Variants in NXPE4 observed in about 807,000 individuals in gnomAD.
NXPE4 encodes the protein NXPE family member 4.
NXPE4 carries 42 observed loss-of-function variants against 33.3 expected under a neutral mutation model. The observed-to-expected ratio is 1.26, with a 90% CI of 0.98 to 1.63. The LOEUF (loss-of-function observed/expected upper bound fraction) is 1.63, where lower values mean the gene tolerates loss of function less well. Among genes scored for constraint, NXPE4 ranks in the 40% most tolerant of loss-of-function variants. The pLI is 0.00. For synonymous variants in NXPE4, 253 were observed against 234.9 expected, an observed-to-expected ratio of 1.08 and a Z score of -0.71; for missense variants, 709 against 647.6, an observed-to-expected ratio of 1.09 and a Z score of -1.03.
At position 114,582,991 on chromosome 11, in the gene NXPE4, G is replaced by A. The variant is rs1296285238; in HGVS notation, c.127C>T (p.Leu43Phe). ...TTTGTGGAGTTGTTCCAGTAATGGA[G>A]GGAGATGGATAAGTTTAGAGCAGAC... ...VWSALNLSIS[L>F]HYWNNSTKSL... The change falls in exon 3 of 6, where the codon CTC (leucine) becomes TTC (phenylalanine). Residue 43 changes from leucine to phenylalanine, a missense_variant. Coordinates refer to ENST00000375478, the MANE Select transcript of NXPE4 (RefSeq NM_001077639.2). The A allele has an allele frequency of 6.2e-7, 1 of 1,613,472 alleles. No individual in the cohort carries two copies. The highest frequency in any genetic ancestry group is 2.2e-5 in the East Asian group (1 of 44,874).
At chr11:114,615,851 C>T in the NXPE4 span, among the ~76,000 whole-genome samples, 4 of 151,624 alleles carry the variant, frequency 2.6e-5, no homozygotes, top group East Asian at 1.9e-4. Flanking sequence ...ATAAGAGATG[C>T]CTCGTGTGTA....
At chr11:114,597,115 GA>G (rs34711682), upstream of NXPE4, among the ~76,000 whole-genome samples, 101,669 of 151,890 alleles carry the variant, frequency 0.67, 34,296 homozygotes, top group African/African-American at 0.75. Flanking sequence ...TTACTTGAAG[GA>G]TAGACTCTGA....
chr11:114,584,415 G>A (rs1258104926), intron 2 of NXPE4: 4 of 265,374 alleles, frequency 1.5e-5, no homozygotes, highest in Non-Finnish European at 3.1e-5. Context: ...TTCTGAGGAT[G>A]CTGTCCCTCA....
chr11:114,601,300 G>A, the NXPE4 span, among the ~76,000 whole-genome samples: 1,242 of 149,366 alleles, frequency 8.3e-3, 17 homozygotes, highest in African/African-American at 0.028. Context: ...ATGATTTTGG[G>A]TACTCATAGC....
At chr11:114,616,134 A>G in the NXPE4 span, among the ~76,000 whole-genome samples, 3 of 151,790 alleles carry the variant, frequency 2.0e-5, no homozygotes, top group Admixed American at 2.0e-4. Flanking sequence ...TCCGGTGGAT[A>G]ATAAGTATTG....
the NXPE4 span, among the ~76,000 whole-genome samples, chr11:114,666,240 CT>C: frequency 6.6e-6 from 1 of 152,088 alleles, no homozygotes; most frequent in Non-Finnish European, 1.5e-5. Flanking sequence ...ATTCATTCCT[CT>C]TTAAACCATT....
At chr11:114,573,137 GT>G (rs895944501) in intron 5 of NXPE4, among the ~76,000 whole-genome samples, 4 of 151,982 alleles carry the variant, frequency 2.6e-5, no homozygotes, top group Non-Finnish European at 5.9e-5. Flanking sequence ...AGAAAAGATA[GT>G]CTTTTCGAGA....
chr11:114,656,610 A>G, the NXPE4 span, among the ~76,000 whole-genome samples: 4 of 152,038 alleles, frequency 2.6e-5, no homozygotes, highest in African/African-American at 9.7e-5. Context: ...TACTTAATAC[A>G]GTACTGATAA....
At chr11:114,632,163 T>G in the NXPE4 span, among the ~76,000 whole-genome samples, 1 of 142,074 alleles carries the variant, frequency 7.0e-6, no homozygotes. Flanking sequence ...TAAATAAAAT[T>G]TATCATATAA....
chr11:114,585,691 A>C (rs1285224181), intron 2 of NXPE4, among the ~76,000 whole-genome samples: 1 of 152,142 alleles, frequency 6.6e-6, no homozygotes, highest in East Asian at 1.9e-4. Flanking sequence ...GAAATTATTT[A>C]GGTAGACAGT....
At chr11:114,657,132 G>T in the NXPE4 span, among the ~76,000 whole-genome samples, 1 of 151,996 alleles carries the variant, frequency 6.6e-6, no homozygotes, top group African/African-American at 2.4e-5. Flanking sequence ...TTTTAGTTCC[G>T]GATTGTACTA....
At chr11:114,571,613 TG>T in intron 5 of NXPE4, 140 bp from the exon 6 acceptor site, 1 of 818,944 alleles carries the variant, frequency 1.2e-6, no homozygotes, top group Non-Finnish European at 1.9e-6. Context: ...GATGAGGGGA[TG>T]TTTTTGAAAA....
At chr11:114,594,530 ATGTTGTTTGG>A (rs1949534815) in intron 2 of NXPE4, 124 bp downstream of exon 2, 1 of 650,182 alleles carries the variant, frequency 1.5e-6, no homozygotes, top group African/African-American at 1.8e-5. Context: ...ATTATCAGGT[ATGTTGTTTGG>A]TATCTAGCTA....
chr11:114,583,505 T>C (rs1392893635), intron 2 of NXPE4: 1 of 621,682 alleles, frequency 1.6e-6, no homozygotes, highest in Non-Finnish European at 3.1e-6. Context: ...AGATTACGTG[T>C]CTGAGCACAG....
intron 2 of NXPE4, among the ~76,000 whole-genome samples, chr11:114,588,686 T>TG (rs1028593540): frequency 6.6e-6 from 1 of 152,148 alleles, no homozygotes; most frequent in Non-Finnish European, 1.5e-5. Context: ...ATGTGCATAT[T>TG]GGGGGGCCTA....
chr11:114,594,312 C>T (rs1296381805), intron 2 of NXPE4, among the ~76,000 whole-genome samples: 1 of 152,110 alleles, frequency 6.6e-6, no homozygotes, highest in Admixed American at 6.6e-5. Context: ...CATACACCTA[C>T]TTTGTACCCA....
chr11:114,657,751 T>A, the NXPE4 span, among the ~76,000 whole-genome samples: 3 of 152,182 alleles, frequency 2.0e-5, no homozygotes, highest in African/African-American at 7.2e-5. Context: ...GAAAAAAAGA[T>A]ATAAGAACCC....
At chr11:114,661,786 T>C in the NXPE4 span, among the ~76,000 whole-genome samples, 13 of 152,192 alleles carry the variant, frequency 8.5e-5, no homozygotes, top group Non-Finnish European at 1.2e-4. Flanking sequence ...TAGGAAGCTA[T>C]AGTAATTAAG....
At chr11:114,633,071 T>G in the NXPE4 span, among the ~76,000 whole-genome samples, 1 of 118,462 alleles carries the variant, frequency 8.4e-6, no homozygotes, top group South Asian at 2.4e-4. Flanking sequence ...TATTTTGTTT[T>G]TTATAATTTA....
Sources: gnomAD v4.1 joint callset for allele counts (sites outside exome capture counted in the v4.1 genomes callset) on GRCh38, gnomAD v4.1.1 for gene constraint, MANE v1.5 for transcripts, NCBI Gene and HGNC (gene_info 2026-07-23, HGNC 2026-07-21) for gene names.